The following NIPBL variants were observed in gnomAD, a reference collection of about 807,000 sequenced individuals.
The protein encoded by NIPBL is nipped-B-like protein.
A neutral mutation model predicts 321.8 loss-of-function variants in NIPBL; 19 were observed. The ratio of observed to expected loss-of-function variants is 0.06; its 90% CI spans 0.04 to 0.09. The LOEUF (loss-of-function observed/expected upper bound fraction) is 0.09, where lower values mean the gene tolerates loss of function less well. Among genes scored for constraint, NIPBL ranks in the 10% least tolerant of loss-of-function variants. NIPBL has a pLI of 1.00. For synonymous variants in NIPBL, 1,106 were observed against 1,114.1 expected, an observed-to-expected ratio of 0.99 and a Z score of 0.14; for missense variants, 2,210 against 3,327.0, an observed-to-expected ratio of 0.66 and a Z score of 8.26.
intron 43 of NIPBL, 88 bp downstream of exon 43, chr5:37,057,420 T>C (rs898608388): frequency 3.1e-6 from 4 of 1,287,304 alleles, no homozygotes; most frequent in Non-Finnish European, 3.4e-6. Flanking sequence ...ATTCTTTTTA[T>C]CCTCTTCACG....
Position 36,985,508 on chromosome 5 carries a change from A to C in NIPBL, c.2328A>C (p.Lys776Asn), listed in dbSNP as rs1744670716. 6.2e-7 allele frequency: 1 copy of C among 1,613,684 alleles called. No homozygotes were observed. The highest frequency in any genetic ancestry group is 8.5e-7 in the Non-Finnish European group (1 of 1,179,904). ...CTGGAAAGCCATCTACAGAGAAAAA[A>C]CCTGAAGTGTCTAAACATAAACAAG... ...RDSGKPSTEK[K>N]PEVSKHKQDT... Residue 776 changes from lysine (K) to asparagine (N), a missense_variant, in exon 10 of 47, where the codon AAA becomes AAC. Lys to Asn is a moderately conservative substitution (Grantham distance 94). This residue lies in a region of NIPBL where 588 missense variants were observed against 564.1 expected (regional missense o/e 1.04). Transcript: ENST00000282516.
chr5:36,944,333 A>C (rs1739430996), intron 1 of NIPBL, among the ~76,000 whole-genome samples: 1 of 152,096 alleles, frequency 6.6e-6, no homozygotes, highest in Admixed American at 6.6e-5. Flanking sequence ...CATCTCTTCC[A>C]CGTATACCTT....
At chr5:37,024,760 A>C in intron 30 of NIPBL, 41 bp downstream of exon 30, 2 of 1,495,322 alleles carry the variant, frequency 1.3e-6, no homozygotes, top group Non-Finnish European at 1.8e-6. Flanking sequence ...ATTAATGTTT[A>C]AAATAAGTTA....
intron 11 of NIPBL, among the ~76,000 whole-genome samples, chr5:36,997,159 TG>T (rs1294355056): frequency 2.6e-5 from 4 of 152,174 alleles, no homozygotes; most frequent in African/African-American, 9.6e-5. Flanking sequence ...AAAAGAAACA[TG>T]GGGCCCAGGA....
chr5:37,065,014 G>A lies in NIPBL; in HGVS notation c.*122G>A. The A allele has an allele frequency of 8.5e-7, 1 of 1,172,694 alleles. No individual in the cohort carries two copies. Among genetic ancestry groups the A allele is most frequent in the Non-Finnish European group, 1.2e-6 (1 of 811,978 alleles). The allele number at this position is 1,172,694 out of a possible 1,614,324, so 72.6% of individuals were successfully genotyped here. The stretch of plus-strand genomic sequence containing the variant: ...AGAGTAAGTGGAACCTGGGATGCAG[G>A]AACAAAAGAAGGAAATGTTGGGCAA... On this transcript the variant is annotated 3_prime_UTR_variant, in exon 47 of 47. Transcript: ENST00000282516.
chr5:36,971,084 T>C, intron 7 of NIPBL, 48 bp downstream of exon 7: 1 of 1,483,488 alleles, frequency 6.7e-7, no homozygotes, highest in Non-Finnish European at 9.4e-7. Flanking sequence ...CTAATATTTG[T>C]CATATAACCT....
intron 45 of NIPBL, 55 bp from the exon 46 acceptor site, chr5:37,063,735 C>T (rs1755060804): frequency 6.6e-7 from 1 of 1,526,554 alleles, no homozygotes; most frequent in Non-Finnish European, 8.9e-7. Flanking sequence ...AGGAATTTGA[C>T]AATCTTGCTT....
chr5:36,982,168 T>C (rs1354375236), intron 9 of NIPBL: 3 of 939,294 alleles, frequency 3.2e-6, no homozygotes, highest in Non-Finnish European at 3.8e-6. Flanking sequence ...TCTTTAGGAA[T>C]ATATGTATTC....
At chr5:36,968,463 G>A (rs1205272257) in intron 6 of NIPBL, among the ~76,000 whole-genome samples, 3 of 151,998 alleles carry the variant, frequency 2.0e-5, no homozygotes, top group Non-Finnish European at 2.9e-5. Flanking sequence ...CAGCTACTCC[G>A]AAGGCTGAGG....
chr5:36,886,329 T>C, intron 1 of NIPBL: 2 of 691,664 alleles, frequency 2.9e-6, no homozygotes, highest in East Asian at 2.6e-5. Context: ...AGCTGGAGGC[T>C]GAGAGCGCCA....
chr5:36,936,279 A>G (rs1290965603), intron 1 of NIPBL, among the ~76,000 whole-genome samples: 1 of 152,174 alleles, frequency 6.6e-6, no homozygotes, highest in South Asian at 2.1e-4. Context: ...CATGCACCAT[A>G]TGATGACATT....
At chr5:36,903,045 C>G (rs1296623115) in intron 1 of NIPBL, among the ~76,000 whole-genome samples, 1 of 152,082 alleles carries the variant, frequency 6.6e-6, no homozygotes, top group East Asian at 1.9e-4. Context: ...AATGGGATTA[C>G]ATTCTTGATT....
rs559960762 is a variant in NIPBL, at chr5:37,042,931, T to C, written c.6109-1416T>C. 8.6e-5 allele frequency among the ~76,000 whole-genome samples: 13 copies of C among 150,968 alleles called. No individual in the cohort carries two copies. The East Asian group carries it at 1.7e-3, about 20-fold the overall frequency. ...CACACACACACACACACATATAACT[T>C]TGATTGCCTTTGGGGAAATGAACTG... On this transcript the variant is annotated intron_variant, in intron 34 of 46. Coordinates refer to ENST00000282516, the MANE Select transcript of NIPBL (RefSeq NM_133433.4).
chr5:36,958,026 T>G, intron 3 of NIPBL, 78 bp from the exon 4 acceptor site: 12 of 1,383,318 alleles, frequency 8.7e-6, no homozygotes, highest in East Asian at 2.3e-5. Flanking sequence ...CATACCAGTG[T>G]GATTTACTTT....
chr5:36,878,528 T>A (rs1402743517), intron 1 of NIPBL, among the ~76,000 whole-genome samples: 1 of 152,226 alleles, frequency 6.6e-6, no homozygotes, highest in Non-Finnish European at 1.5e-5. Flanking sequence ...GAAGGAAAAC[T>A]TTCATTGGTT....
chr5:37,030,850 G>A (rs1335191955), intron 32 of NIPBL, among the ~76,000 whole-genome samples: 1 of 150,084 alleles, frequency 6.7e-6, no homozygotes, highest in African/African-American at 2.5e-5. Flanking sequence ...AACCTCCCTG[G>A]CTCAAGCAGT....
At chr5:37,013,545 A>C (rs1748513110) in intron 21 of NIPBL, among the ~76,000 whole-genome samples, 1 of 150,780 alleles carries the variant, frequency 6.6e-6, no homozygotes, top group Admixed American at 6.6e-5. Flanking sequence ...GCGGTCGGGC[A>C]GAGACGCTCC....
At chr5:36,964,299 C>A (rs1741965899) in intron 6 of NIPBL, among the ~76,000 whole-genome samples, 1 of 151,946 alleles carries the variant, frequency 6.6e-6, no homozygotes, top group South Asian at 2.1e-4. Context: ...CAAAGCAATC[C>A]TGAGGAAAAA....
Position 36,905,986 on chromosome 5 carries a change from C to T in NIPBL, c.-80+28808C>T, listed in dbSNP as rs188380304. On this transcript the variant is annotated intron_variant, in intron 1 of 46. Coordinates refer to ENST00000282516, the MANE Select transcript of NIPBL (RefSeq NM_133433.4). ...GTCTCGATCTCCTGACCTCGTGATC[C>T]GCCCACCTTGGCCTCCCAAAGTGCT... Among the ~76,000 whole-genome samples, 266 of 152,086 alleles carry T rather than the reference C, an allele frequency of 1.7e-3. 1 individual carries two copies. Among genetic ancestry groups the T allele is most frequent in the African/African-American group, 5.9e-3 (247 of 41,518 alleles).
Sources: gnomAD v4.1 joint callset for allele counts (sites outside exome capture counted in the v4.1 genomes callset) on GRCh38, gnomAD v4.1.1 for gene constraint, gnomAD v4.1.1 regional missense constraint, MANE v1.5 for transcripts, NCBI Gene and HGNC (gene_info 2026-07-23, HGNC 2026-07-21) for gene names.